Variants in LTV1 observed in about 807,000 individuals in gnomAD.
LTV1 encodes LTV1 ribosome biogenesis factor.
Under a neutral mutation model 59.9 loss-of-function variants are expected in LTV1, and 39 were observed. The observed-to-expected ratio is 0.65, with a 90% CI of 0.50 to 0.85. The LOEUF is 0.85. Ranked by LOEUF, LTV1 falls within the 40% of genes least tolerant of loss-of-function variation. The probability of loss-of-function intolerance (pLI) is 0.00; values close to 1 mark genes in which losing one functional copy is unlikely to be tolerated. For synonymous variants in LTV1, 171 were observed against 189.5 expected (o/e 0.90, Z 0.80); for missense variants, 493 against 549.1 (o/e 0.90, Z 1.02).
chr6:143,852,694 G>A (rs1428396601), intron 4 of LTV1, among the ~76,000 whole-genome samples: 1 of 152,076 alleles, frequency 6.6e-6, no homozygotes, highest in African/African-American at 2.4e-5. Flanking sequence ...GAGTTTTTAT[G>A]GTTTTAGGTC....
chr6:143,862,834 G>A lies in LTV1; in HGVS notation c.1064-10G>A, dbSNP rs1476854246. 1 of 1,519,158 alleles carries A rather than the reference G, an allele frequency of 6.6e-7. No homozygotes were observed. Among genetic ancestry groups the A allele is most frequent in the South Asian group, 1.1e-5 (1 of 89,092 alleles). The allele number at this position is 1,519,158 out of a possible 1,614,324, so 94.1% of individuals were successfully genotyped here. Reference sequence around the variant, plus strand: ...GCTTACTGATACATGACTTTTATTTGTTTGTTTAGGTACATACTCAAATTT... The same window carrying A: ...GCTTACTGATACATGACTTTTATTTATTTGTTTAGGTACATACTCAAATTT... On this transcript the variant is annotated splice_polypyrimidine_tract_variant and intron_variant, in intron 8 of 10. Coordinates refer to ENST00000367576, the MANE Select transcript of LTV1 (RefSeq NM_032860.5). The surrounding 1 kb of genome is among the most constrained non-coding windows in gnomAD (Gnocchi z 4.2).
chr6:143,850,076 C>G, intron 3 of LTV1, 55 bp from the exon 4 acceptor site: 1 of 1,396,894 alleles, frequency 7.2e-7, no homozygotes, highest in Non-Finnish European at 1.0e-6. Context: ...ACCCGGTACA[C>G]TAGTTAAGAA....
chr6:143,852,357 G>A (rs1776997909), intron 4 of LTV1, among the ~76,000 whole-genome samples: 1 of 152,154 alleles, frequency 6.6e-6, no homozygotes, highest in African/African-American at 2.4e-5. Flanking sequence ...TTTGTTGGCT[G>A]CATAAATGTC....
intron 3 of LTV1, among the ~76,000 whole-genome samples, chr6:143,847,264 G>A (rs909793042): frequency 6.6e-6 from 1 of 152,210 alleles, no homozygotes; most frequent in East Asian, 1.9e-4. Flanking sequence ...AAGGAGAGAA[G>A]GGGTTCCTTA....
In LTV1 at chr6:143,845,689, T is replaced by A. The variant is rs1247185743; in HGVS notation, c.136-362T>A. Among the ~76,000 whole-genome samples the A allele has an allele frequency of 3.3e-5, 5 of 152,350 alleles. No individual in the cohort carries two copies. In the South Asian group the frequency reaches 1.0e-3, roughly 32 times the overall value. The stretch of plus-strand genomic sequence containing the variant: ...CACTGCACCTGGCCCCCCAGGTCTT[T>A]TCTTATAACCCTCCAAATAGATGAT... On this transcript the variant is annotated intron_variant, in intron 2 of 10. Coordinates refer to ENST00000367576, the MANE Select transcript of LTV1 (RefSeq NM_032860.5).
intron 2 of LTV1, 44 bp downstream of exon 2, chr6:143,844,661 GT>G (rs755562476): frequency 1.7e-4 from 224 of 1,357,052 alleles, no homozygotes; most frequent in East Asian, 8.5e-4. Context: ...GTAGACAATA[GT>G]TTTTTTTTTC....
intron 4 of LTV1, 104 bp downstream of exon 4, chr6:143,850,322 G>A (rs1336312178): frequency 1.3e-6 from 1 of 789,638 alleles, no homozygotes; most frequent in African/African-American, 1.7e-5. Context: ...TGAAACAATT[G>A]AGATATGTCT....
intron 6 of LTV1, 27 bp from the exon 7 acceptor site, chr6:143,860,399 G>C (rs1777142512): frequency 6.2e-7 from 1 of 1,603,558 alleles, no homozygotes; most frequent in African/African-American, 1.3e-5. Flanking sequence ...TGCTTTTCAT[G>C]GTATCTTTTC....
chr6:143,862,291 T>C lies in LTV1; in HGVS notation c.1063+48T>C. ...AGTAATTTTAAAGTATTAAAGTATA[T>C]CAACTTTAGGCTGGGTGCGGTGCCT... On this transcript the variant is annotated intron_variant, in intron 8 of 10. Coordinates refer to ENST00000367576, the MANE Select transcript of LTV1 (RefSeq NM_032860.5). This position sits in a 1 kb window ranked among gnomAD's most constrained non-coding sequence, Gnocchi z 4.2. 1 of 1,566,348 alleles carries C rather than the reference T, an allele frequency of 6.4e-7. No individual in the cohort carries two copies. The highest frequency in any genetic ancestry group is 1.1e-5 in the South Asian group (1 of 87,638).
chr6:143,846,501 G>T (rs950888565), intron 3 of LTV1, among the ~76,000 whole-genome samples: 1 of 152,168 alleles, frequency 6.6e-6, no homozygotes, highest in African/African-American at 2.4e-5. Flanking sequence ...TTCAATAGGA[G>T]AAAAGCAGCT....
At chr6:143,852,840 G>A (rs1777007642) in intron 4 of LTV1, among the ~76,000 whole-genome samples, 1 of 152,124 alleles carries the variant, frequency 6.6e-6, no homozygotes, top group Non-Finnish European at 1.5e-5. Context: ...TTTCCCCATT[G>A]CTTGTTTTTG....
At chr6:143,854,731 T>A (rs1420400849) in intron 4 of LTV1, among the ~76,000 whole-genome samples, 2 of 152,206 alleles carry the variant, frequency 1.3e-5, no homozygotes, top group Non-Finnish European at 2.9e-5. Context: ...AGCAGGTTGT[T>A]CAGTTTCCAA....
rs778546625 is a variant in LTV1, at chr6:143,857,907, G to A, written c.695G>A (p.Trp232Ter). The A allele has an allele frequency of 1.9e-6, 3 of 1,614,106 alleles. No individual in the cohort carries two copies. The highest frequency in any genetic ancestry group is 2.5e-6 in the Non-Finnish European group (3 of 1,180,024). The part of the protein sequence containing the change: ...THRAIADHLF[W>*]SEETKSRFTE... ...AGAGCTATAGCAGATCACTTGTTCTGGAGTGAGGAAACAAAGAGTCGCTTC... is the reference window on the plus strand; with the variant it reads ...AGAGCTATAGCAGATCACTTGTTCTAGAGTGAGGAAACAAAGAGTCGCTTC... The change falls in exon 6 of 11, where the codon TGG (tryptophan) becomes TAG (stop). Residue 232 changes from tryptophan (W) to a stop codon, truncating the protein, a stop_gained. Transcript: ENST00000367576. LOFTEE classifies it high-confidence loss of function. This position sits in a 1 kb window ranked among gnomAD's most constrained non-coding sequence, Gnocchi z 5.2.
In LTV1 at chr6:143,855,979, T is replaced by C. The variant is rs141710213; in HGVS notation, c.398-1324T>C. ...GTTCCTGAATTTGAATGTTGGCCTCTCTTGCTAGGTTGGGTAAGTTCTCCT... is the reference window on the plus strand; with the variant it reads ...GTTCCTGAATTTGAATGTTGGCCTCCCTTGCTAGGTTGGGTAAGTTCTCCT... On this transcript the variant is annotated intron_variant, in intron 4 of 10. Transcript: ENST00000367576. This position sits in a 1 kb window ranked among gnomAD's most constrained non-coding sequence, Gnocchi z 4.6. Among the ~76,000 whole-genome samples the C allele has an allele frequency of 0.057, 8,574 of 151,378 alleles. 256 individuals carry two copies. Among genetic ancestry groups the C allele is most frequent in the African/African-American group, 0.084 (3,469 of 41,156 alleles).
intron 3 of LTV1, 46 bp from the exon 4 acceptor site, chr6:143,850,085 A>C (rs757857262): frequency 6.7e-5 from 101 of 1,496,594 alleles, no homozygotes. Flanking sequence ...ACTAGTTAAG[A>C]AGAATTTCCA....
In LTV1 at chr6:143,846,099, T is replaced by C. The variant is rs777297600; in HGVS notation, c.184T>C (p.Phe62Leu). 5 of 1,614,120 alleles carry C rather than the reference T, an allele frequency of 3.1e-6. No individual in the cohort carries two copies. The African/African-American group carries it at 6.7e-5, about 22-fold the overall frequency. The change falls in exon 3 of 11, where the codon TTT becomes CTT. Residue 62 changes from phenylalanine to leucine, a missense_variant. Coordinates refer to ENST00000367576, the MANE Select transcript of LTV1 (RefSeq NM_032860.5). ...RAEQRKYGVF[F>L]DDDYDYLQHL... ...AGAACAGAGGAAGTATGGAGTGTTCTTTGATGACGACTATGACTACCTGCA... is the reference window on the plus strand; with the variant it reads ...AGAACAGAGGAAGTATGGAGTGTTCCTTGATGACGACTATGACTACCTGCA...
chr6:143,858,996 G>A (rs1020588629), intron 6 of LTV1, among the ~76,000 whole-genome samples: 5 of 151,900 alleles, frequency 3.3e-5, no homozygotes, highest in African/African-American at 1.2e-4. Flanking sequence ...AAAAGGAGTT[G>A]GCTGATCAAA....
At chr6:143,846,750 T>C (rs746540023) in intron 3 of LTV1, among the ~76,000 whole-genome samples, 1 of 152,340 alleles carries the variant, frequency 6.6e-6, no homozygotes, top group Middle Eastern at 3.4e-3. Flanking sequence ...AAGAAATTAG[T>C]GCTGTTAGTC....
chr6:143,852,477 C>G (rs1407035159), intron 4 of LTV1, among the ~76,000 whole-genome samples: 3 of 152,080 alleles, frequency 2.0e-5, no homozygotes, highest in African/African-American at 7.2e-5. Context: ...AGCCCTTTGT[C>G]AGATGGATTG....
Sources: gnomAD v4.1 joint callset for allele counts (sites outside exome capture counted in the v4.1 genomes callset) on GRCh38, gnomAD v4.1.1 for gene constraint, Gnocchi (gnomAD v3.1) non-coding constraint, MANE v1.5 for transcripts, NCBI Gene and HGNC (gene_info 2026-07-23, HGNC 2026-07-21) for gene names.